Variants in NAV2 observed in about 807,000 individuals in gnomAD.
NAV2 encodes neuron navigator 2.
In NAV2, 54 loss-of-function variants were observed where a neutral mutation model predicts 223.2. That is an observed-to-expected ratio of 0.24 (90% CI 0.19 to 0.30). The LOEUF is 0.30. Ranked by LOEUF, NAV2 falls within the 10% of genes least tolerant of loss-of-function variation. The pLI is 1.00. For synonymous variants in NAV2, 1,279 were observed against 1,239.3 expected, an observed-to-expected ratio of 1.03 and a Z score of -0.67; for missense variants, 2,806 against 3,147.5, an observed-to-expected ratio of 0.89 and a Z score of 2.60.
chr11:19,393,385 C>G (rs1849321034), intron 1 of NAV2, among the ~76,000 whole-genome samples: 1 of 152,190 alleles, frequency 6.6e-6, no homozygotes, highest in Non-Finnish European at 1.5e-5. Context: ...AGCTTCTGTC[C>G]TCTACTTCAG....
intron 6 of NAV2, among the ~76,000 whole-genome samples, chr11:19,921,056 C>G (rs1363465372): frequency 2.0e-5 from 3 of 152,126 alleles, no homozygotes; most frequent in Non-Finnish European, 2.9e-5. Context: ...TATGTTTCAT[C>G]TTTTCAGAAG....
At chr11:20,029,925 T>C (rs1374553322) in intron 11 of NAV2, among the ~76,000 whole-genome samples, 2 of 152,218 alleles carry the variant, frequency 1.3e-5, no homozygotes, top group African/African-American at 4.8e-5. Flanking sequence ...CATGCTTTTG[T>C]GTTGATTGTT....
chr11:19,816,001 T>G (rs1025204759), intron 1 of NAV2, among the ~76,000 whole-genome samples: 4 of 152,202 alleles, frequency 2.6e-5, no homozygotes, highest in Admixed American at 6.5e-5. Context: ...TGGGCCAGGT[T>G]GTCCCCTGGG....
intron 1 of NAV2, among the ~76,000 whole-genome samples, chr11:19,733,052 C>G (rs1034675484): frequency 3.3e-5 from 5 of 152,260 alleles, no homozygotes; most frequent in African/African-American, 1.2e-4. Flanking sequence ...GGGTGAGCCT[C>G]TCACTGGAGA....
At chr11:19,409,516 G>T (rs533092029) in intron 1 of NAV2, among the ~76,000 whole-genome samples, 1 of 152,274 alleles carries the variant, frequency 6.6e-6, no homozygotes, top group African/African-American at 2.4e-5. Flanking sequence ...CCTTGGCAAG[G>T]TTGAGAGGGA....
chr11:19,910,167 A>G (rs2043189602), intron 6 of NAV2, among the ~76,000 whole-genome samples: 1 of 152,248 alleles, frequency 6.6e-6, no homozygotes, highest in African/African-American at 2.4e-5. Flanking sequence ...TAACGGGCCT[A>G]CATTATGCAG....
intron 11 of NAV2, among the ~76,000 whole-genome samples, chr11:20,005,349 A>T (rs373426856): frequency 6.6e-6 from 1 of 151,002 alleles, no homozygotes; most frequent in African/African-American, 2.4e-5. Context: ...GGGTTCAAGC[A>T]ATTCTCCTCT....
rs1365681030 is a variant in NAV2, at chr11:19,782,864, A to C, written c.268-49620A>C. ...CAGATATTGTTTAAACAGGGTAACA[A>C]GAAGGTGTGATGGAGATATTTGGCT... is the stretch of plus-strand genomic sequence containing the variant. On this transcript the variant is annotated intron_variant, in intron 1 of 37. Coordinates refer to ENST00000349880, the MANE Select transcript of NAV2 (RefSeq NM_145117.5). 2.6e-5 allele frequency among the ~76,000 whole-genome samples: 4 copies of C among 152,218 alleles called. No individual in the cohort carries two copies. The East Asian group carries it at 7.7e-4, about 29-fold the overall frequency.
At chr11:19,718,975 A>G (rs1484204484) in intron 1 of NAV2, among the ~76,000 whole-genome samples, 1 of 152,196 alleles carries the variant, frequency 6.6e-6, no homozygotes, top group African/African-American at 2.4e-5. Flanking sequence ...CAGAATAGCT[A>G]GGTTTGCTTT....
chr11:20,105,736 G>A lies in NAV2; in HGVS notation c.6841+9G>A. 1 of 1,608,344 alleles carries A rather than the reference G, an allele frequency of 6.2e-7. No individual in the cohort carries two copies. Among genetic ancestry groups the A allele is most frequent in the Non-Finnish European group, 8.5e-7 (1 of 1,177,048 alleles). ...CTCGGACGTCACCATCGGTGGGTGG[G>A]AGACTGGGGTCAGGGGGGCGGGCTG... On this transcript the variant is annotated intron_variant, in intron 35 of 37. Transcript: ENST00000349880.
At chr11:20,045,872 CA>C (rs1254694112) in intron 14 of NAV2, among the ~76,000 whole-genome samples, 2 of 152,242 alleles carry the variant, frequency 1.3e-5, no homozygotes, top group South Asian at 4.1e-4. Flanking sequence ...TGGAATCAAT[CA>C]TCTTAGAATC....
intron 3 of NAV2, among the ~76,000 whole-genome samples, chr11:19,851,396 G>A (rs530952529): frequency 1.5e-4 from 23 of 152,326 alleles, no homozygotes; most frequent in African/African-American, 5.3e-4. Context: ...CTCAGGATGA[G>A]ACATTCTGTT....
chr11:19,935,100 T>G (rs2045729633), intron 7 of NAV2, among the ~76,000 whole-genome samples: 1 of 152,064 alleles, frequency 6.6e-6, no homozygotes, highest in Non-Finnish European at 1.5e-5. Context: ...CATGGATGAG[T>G]CCACTCCAGG....
chr11:19,699,770 G>A (rs2049456179), intron 1 of NAV2, among the ~76,000 whole-genome samples: 1 of 152,216 alleles, frequency 6.6e-6, no homozygotes, highest in African/African-American at 2.4e-5. Flanking sequence ...ATGTGATCCA[G>A]GACTGCAATG....
At chr11:19,472,733 G>A (rs777200068) in intron 1 of NAV2, among the ~76,000 whole-genome samples, 8 of 152,168 alleles carry the variant, frequency 5.3e-5, no homozygotes, top group Non-Finnish European at 5.9e-5. Context: ...CTTGTTTCCT[G>A]GTTGATTTAG....
intron 1 of NAV2, among the ~76,000 whole-genome samples, chr11:19,629,052 TAA>T (rs1383831829): frequency 1.3e-5 from 2 of 152,160 alleles, no homozygotes; most frequent in Non-Finnish European, 2.9e-5. Context: ...GCTGAAAATA[TAA>T]GAGTGGGCAG....
At chr11:19,410,341 G>A (rs879447593) in intron 1 of NAV2, among the ~76,000 whole-genome samples, 2 of 152,010 alleles carry the variant, frequency 1.3e-5, no homozygotes, top group African/African-American at 4.8e-5. Flanking sequence ...TTCAACACAC[G>A]CTTAAATAAT....
chr11:19,738,736 AG>A (rs1209148959), intron 1 of NAV2, among the ~76,000 whole-genome samples: 1 of 152,144 alleles, frequency 6.6e-6, no homozygotes, highest in Non-Finnish European at 1.5e-5. Context: ...GGCTCTTTAA[AG>A]GTGTTTTAAT....
At chr11:19,924,169 T>A (rs985498763) in intron 6 of NAV2, among the ~76,000 whole-genome samples, 3 of 152,174 alleles carry the variant, frequency 2.0e-5, no homozygotes, top group African/African-American at 7.2e-5. Flanking sequence ...TATGAATATT[T>A]CCAGCAAGTT....
Sources: allele counts gnomAD v4.1 joint callset (sites outside exome capture counted in the v4.1 genomes callset), GRCh38; gene constraint gnomAD v4.1.1; transcripts MANE v1.5; gene names NCBI Gene and HGNC (gene_info 2026-07-23, HGNC 2026-07-21).